DOK5: variants seen among roughly 807,000 people sequenced by gnomAD.
The protein encoded by DOK5 is docking protein 5.
In DOK5, 27 loss-of-function variants were observed where a neutral mutation model predicts 43.3. That is an observed-to-expected ratio of 0.62 (90% CI 0.46 to 0.86). The LOEUF is 0.86. Ranked by LOEUF, DOK5 falls within the 40% of genes least tolerant of loss-of-function variation. DOK5 has a pLI of 0.00. For synonymous variants in DOK5, 146 were observed against 140.1 expected, an observed-to-expected ratio of 1.04 and a Z score of -0.30; for missense variants, 373 against 392.9, an observed-to-expected ratio of 0.95 and a Z score of 0.43.
intron 4 of DOK5, among the ~76,000 whole-genome samples, chr20:54,590,109 T>C (rs1985933059): frequency 1.3e-5 from 2 of 152,198 alleles, no homozygotes; most frequent in South Asian, 4.1e-4. Flanking sequence ...AAATTTGTAT[T>C]TGGGGAAGCA....
chr20:54,486,108 T>C (rs1320705150), intron 1 of DOK5, among the ~76,000 whole-genome samples: 2 of 152,228 alleles, frequency 1.3e-5, no homozygotes, highest in African/African-American at 2.4e-5. Flanking sequence ...ATTTTTTTTG[T>C]AAGTTTTATA....
chr20:54,503,694 C>A (rs1416607743), intron 1 of DOK5, among the ~76,000 whole-genome samples: 5 of 152,054 alleles, frequency 3.3e-5, no homozygotes. Flanking sequence ...AGAAGAAGAA[C>A]CACAGGAAGA....
chr20:54,608,937 AGTGCTGGGATTACAGGT>A (rs1042381798), intron 5 of DOK5, among the ~76,000 whole-genome samples: 2 of 152,110 alleles, frequency 1.3e-5, no homozygotes, highest in Non-Finnish European at 2.9e-5. Flanking sequence ...GGCCTCCCAA[AGTGCTGGGATTACAGGT>A]GTGAGCCACC....
intron 1 of DOK5, among the ~76,000 whole-genome samples, chr20:54,495,749 G>T (rs527647931): frequency 2.6e-5 from 4 of 152,142 alleles, no homozygotes; most frequent in Non-Finnish European, 5.9e-5. Flanking sequence ...GGGTATGATG[G>T]TGGGTGCCTG....
At chr20:54,481,002 CATCTATCATCT>C (rs1981667301) in intron 1 of DOK5, among the ~76,000 whole-genome samples, 1 of 34,480 alleles carries the variant, frequency 2.9e-5, no homozygotes, top group African/African-American at 6.8e-5. Context: ...ATCTATCTAT[CATCTATCATCT>C]ATCTATCTAT....
chr20:54,503,075 T>A (rs146333867), intron 1 of DOK5, among the ~76,000 whole-genome samples: 2,514 of 152,308 alleles, frequency 0.017, 58 homozygotes, highest in African/African-American at 0.053. Flanking sequence ...TTTGTATATA[T>A]GTGCTTGTGT....
At chr20:54,574,827 G>A (rs920369405) in intron 2 of DOK5, among the ~76,000 whole-genome samples, 1 of 152,138 alleles carries the variant, frequency 6.6e-6, no homozygotes, top group African/African-American at 2.4e-5. Context: ...TGCTGAAATG[G>A]TTGGGAAACA....
intron 2 of DOK5, among the ~76,000 whole-genome samples, chr20:54,576,961 T>C (rs1480159875): frequency 6.6e-6 from 1 of 152,248 alleles, no homozygotes; most frequent in East Asian, 1.9e-4. Flanking sequence ...AACATATTTG[T>C]CTCTAAGACC....
At chr20:54,530,773 T>C (rs1353418061) in intron 1 of DOK5, among the ~76,000 whole-genome samples, 1 of 152,194 alleles carries the variant, frequency 6.6e-6, no homozygotes, top group Non-Finnish European at 1.5e-5. Context: ...GAGTTGATTT[T>C]TTAAGACAGC....
intron 6 of DOK5, among the ~76,000 whole-genome samples, chr20:54,631,378 G>A (rs1978558610): frequency 6.6e-6 from 1 of 151,328 alleles, no homozygotes; most frequent in African/African-American, 2.4e-5. Context: ...TTTTGCCACT[G>A]CACTCCAGCC....
chr20:54,612,224 G>A (rs146267469), intron 6 of DOK5, among the ~76,000 whole-genome samples: 29 of 152,272 alleles, frequency 1.9e-4, no homozygotes, highest in African/African-American at 6.0e-4. Flanking sequence ...GATTTGGGCC[G>A]CAGGACAGAG....
At chr20:54,600,341 C>A (rs1454131674) in intron 5 of DOK5, among the ~76,000 whole-genome samples, 2 of 152,004 alleles carry the variant, frequency 1.3e-5, no homozygotes, top group Non-Finnish European at 2.9e-5. Flanking sequence ...AGAGTTTGAG[C>A]AAGTCCCCAA....
chr20:54,602,483 G>C (rs879763428), intron 5 of DOK5, among the ~76,000 whole-genome samples: 1 of 152,126 alleles, frequency 6.6e-6, no homozygotes, highest in Non-Finnish European at 1.5e-5. Context: ...TGAGTCTCAC[G>C]GTGATAGTCA....
At chr20:54,529,384 A>G (rs1183262980) in intron 1 of DOK5, among the ~76,000 whole-genome samples, 2 of 152,206 alleles carry the variant, frequency 1.3e-5, no homozygotes, top group African/African-American at 4.8e-5. Context: ...TTGTTATAAG[A>G]GTTAAAGAAG....
intron 2 of DOK5, among the ~76,000 whole-genome samples, chr20:54,559,445 G>A (rs182669916): frequency 8.5e-5 from 13 of 152,270 alleles, no homozygotes; most frequent in Admixed American, 1.3e-4. Context: ...GCAGGGATTC[G>A]GTTCACCTTG....
intron 6 of DOK5, among the ~76,000 whole-genome samples, chr20:54,631,285 T>C (rs1027997251): frequency 6.6e-6 from 1 of 152,120 alleles, no homozygotes; most frequent in Non-Finnish European, 1.5e-5. Context: ...TAGTGGCACA[T>C]GCCTGTAGTC....
intron 6 of DOK5, among the ~76,000 whole-genome samples, chr20:54,615,029 CCGGAG>C (rs1986761596): frequency 6.6e-6 from 1 of 152,206 alleles, no homozygotes; most frequent in Non-Finnish European, 1.5e-5. Flanking sequence ...AAGTTCATAA[CCGGAG>C]AAAGACGGCA....
intron 6 of DOK5, among the ~76,000 whole-genome samples, chr20:54,618,018 C>G (rs912883856): frequency 6.6e-6 from 1 of 152,122 alleles, no homozygotes; most frequent in Non-Finnish European, 1.5e-5. Flanking sequence ...TATTGAGAAC[C>G]TACTATGTTC....
At chr20:54,602,590 T>A (rs1009734675) in intron 5 of DOK5, among the ~76,000 whole-genome samples, 2 of 152,226 alleles carry the variant, frequency 1.3e-5, no homozygotes, top group African/African-American at 2.4e-5. Context: ...TAAAACTTTC[T>A]AATGTACCTG....
Sources: allele counts gnomAD v4.1 joint callset (sites outside exome capture counted in the v4.1 genomes callset), GRCh38; gene constraint gnomAD v4.1.1; transcripts MANE v1.5; gene names NCBI Gene and HGNC (gene_info 2026-07-23, HGNC 2026-07-21).